Variants in TBC1D1 observed in about 807,000 individuals in gnomAD.
TBC1D1 encodes the protein TBC1 (tre-2/USP6, BUB2, cdc16) domain family, member 1.
TBC1D1 carries 89 observed loss-of-function variants against 125.6 expected under a neutral mutation model. The observed-to-expected ratio is 0.71, with a 90% CI of 0.60 to 0.85. TBC1D1 has a LOEUF of 0.85. Ranked by LOEUF, TBC1D1 falls within the 40% of genes least tolerant of loss-of-function variation. TBC1D1 has a pLI of 0.00. For missense variants in TBC1D1, 1,377 were observed against 1,469.2 expected (o/e 0.94, Z 1.03); for synonymous variants, 565 against 564.1 (o/e 1.00, Z -0.02).
At chr4:38,036,955 A>AT (rs768104676) in intron 8 of TBC1D1, among the ~76,000 whole-genome samples, 2 of 151,696 alleles carry the variant, frequency 1.3e-5, no homozygotes, top group Non-Finnish European at 2.9e-5. Flanking sequence ...TCTGGAGTTC[A>AT]TTTTTCAGCC....
chr4:37,953,788 G>C (rs1399213159), intron 2 of TBC1D1, among the ~76,000 whole-genome samples: 1 of 152,160 alleles, frequency 6.6e-6, no homozygotes, highest in African/African-American at 2.4e-5. Flanking sequence ...GGTTAGCTTG[G>C]TATGTGGCCA....
chr4:38,039,962 T>A (rs558432470), intron 8 of TBC1D1, among the ~76,000 whole-genome samples: 4 of 151,918 alleles, frequency 2.6e-5, no homozygotes, highest in South Asian at 4.2e-4. Flanking sequence ...TTTTTTTTTT[T>A]AAAGAAATTA....
In TBC1D1 at chr4:38,018,420, A is replaced by C. The variant is rs756407084; in HGVS notation, c.949A>C (p.Lys317Gln). ...AAAAATAGCATTGGAGAAAAATTTT[A>C]AGGAGATATCCTTTTGCTCTCAGGT... Residue 317 changes from lysine (K) to glutamine (Q), a missense_variant, in exon 4 of 20, where the codon AAG becomes CAG. By Grantham distance (53) the Lys-to-Gln change is moderately conservative (BLOSUM62 1). This residue lies in a region of TBC1D1 where 822 missense variants were observed against 824.6 expected (regional missense o/e 1.00). Coordinates refer to ENST00000261439, the MANE Select transcript of TBC1D1 (RefSeq NM_015173.4). The C allele has an allele frequency of 4.0e-5, 65 of 1,611,462 alleles. No individual in the cohort carries two copies. Among genetic ancestry groups the C allele is most frequent in the Non-Finnish European group, 5.4e-5 (64 of 1,178,706 alleles).
intron 2 of TBC1D1, among the ~76,000 whole-genome samples, chr4:37,921,434 G>A (rs1028269196): frequency 6.7e-6 from 1 of 149,928 alleles, no homozygotes; most frequent in African/African-American, 2.5e-5. Flanking sequence ...TTGAAATGGA[G>A]TCTCCCTCTG....
chr4:38,032,042 G>C (rs907764633), intron 7 of TBC1D1, among the ~76,000 whole-genome samples: 1 of 152,232 alleles, frequency 6.6e-6, no homozygotes, highest in East Asian at 1.9e-4. Context: ...TTTCTGGCCA[G>C]GCGCGGTGGC....
intron 19 of TBC1D1, 85 bp from the exon 22 acceptor site, chr4:38,137,050 C>T (rs1349152088): frequency 1.9e-6 from 3 of 1,598,536 alleles, no homozygotes; most frequent in African/African-American, 2.7e-5. Context: ...CCAGAGTGCT[C>T]CCAAGGCTGG....
At chr4:37,954,079 G>T (rs193239398) in intron 2 of TBC1D1, among the ~76,000 whole-genome samples, 2 of 152,260 alleles carry the variant, frequency 1.3e-5, no homozygotes, top group Admixed American at 1.3e-4. Context: ...TTCCAGAGTG[G>T]CTGGATCTAA....
At position 38,124,965 on chromosome 4, in the gene TBC1D1, T is replaced by C. The variant is rs763008871; in HGVS notation, c.2966T>C (p.Met989Thr). 1.7e-5 allele frequency: 27 copies of C among 1,613,052 alleles called. No individual in the cohort carries two copies. The highest frequency in any genetic ancestry group is 1.2e-4 in the African/African-American group (9 of 74,736). The change falls in exon 18 of 20, where the codon ATG (methionine) becomes ACG (threonine). Residue 989 changes from methionine to threonine, a missense_variant. Transcript: ENST00000261439. The stretch of plus-strand genomic sequence containing the variant: ...CTGCATTTCTGTGTTTTCTCAGATA[T>C]GATTTTTCTTCAGGGAACAGAGGTC...
chr4:38,070,675 TA>T (rs576957301), intron 12 of TBC1D1, among the ~76,000 whole-genome samples: 52 of 152,108 alleles, frequency 3.4e-4, no homozygotes, highest in African/African-American at 1.2e-3. Flanking sequence ...TTATAGTATG[TA>T]AAAAAAACAT....
chr4:37,895,128 T>C (rs982681699), intron 1 of TBC1D1, among the ~76,000 whole-genome samples: 5 of 152,230 alleles, frequency 3.3e-5, no homozygotes, highest in African/African-American at 1.2e-4. Context: ...CCACTTCTTA[T>C]AGTATGGCCT....
chr4:38,035,511 G>A (rs181014289), intron 7 of TBC1D1, 77 bp from the exon 8 acceptor site: 126 of 1,146,418 alleles, frequency 1.1e-4, no homozygotes, highest in Middle Eastern at 2.7e-4. Flanking sequence ...GATGGAAGCT[G>A]TTAGCATTTA....
At chr4:37,915,035 T>A (rs1719428672) in intron 2 of TBC1D1, among the ~76,000 whole-genome samples, 1 of 152,248 alleles carries the variant, frequency 6.6e-6, no homozygotes, top group African/African-American at 2.4e-5. Flanking sequence ...TGCTTCCATG[T>A]TAACCACCTA....
chr4:37,992,000 A>G (rs936582109), intron 2 of TBC1D1, among the ~76,000 whole-genome samples: 2 of 152,240 alleles, frequency 1.3e-5, no homozygotes, highest in Non-Finnish European at 2.9e-5. Context: ...TACAAACGGA[A>G]CTTACAGAGA....
intron 2 of TBC1D1, among the ~76,000 whole-genome samples, chr4:37,937,212 C>G (rs887273870): frequency 6.6e-6 from 1 of 152,170 alleles, no homozygotes; most frequent in Admixed American, 6.5e-5. Flanking sequence ...GAGTCCCAGA[C>G]AGGAATCCCT....
chr4:37,976,612 G>A (rs1247621949), intron 2 of TBC1D1, among the ~76,000 whole-genome samples: 1 of 152,008 alleles, frequency 6.6e-6, no homozygotes, highest in African/African-American at 2.4e-5. Flanking sequence ...GGTTCCACCT[G>A]ACACATGCAT....
At chr4:38,111,921 G>T in intron 15 of TBC1D1, 1 of 985,456 alleles carries the variant, frequency 1.0e-6, no homozygotes, top group Non-Finnish European at 1.2e-6. Flanking sequence ...CCCCAGCCTG[G>T]TAGTGAACCC....
intron 2 of TBC1D1, among the ~76,000 whole-genome samples, chr4:37,976,127 T>C (rs906148026): frequency 1.3e-5 from 2 of 152,242 alleles, no homozygotes; most frequent in African/African-American, 4.8e-5. Context: ...CTTGGATCAC[T>C]TGTGCTGGGG....
chr4:37,940,762 T>C (rs1006213713), intron 2 of TBC1D1, among the ~76,000 whole-genome samples: 1 of 152,234 alleles, frequency 6.6e-6, no homozygotes, highest in African/African-American at 2.4e-5. Flanking sequence ...AAAGGCTTTT[T>C]CTGCATCTAT....
intron 2 of TBC1D1, among the ~76,000 whole-genome samples, chr4:37,917,942 C>T (rs974307185): frequency 2.0e-5 from 3 of 152,074 alleles, no homozygotes; most frequent in Non-Finnish European, 2.9e-5. Flanking sequence ...AAAAAATAGA[C>T]GAAGCTATTT....
Sources: allele counts gnomAD v4.1 joint callset (sites outside exome capture counted in the v4.1 genomes callset), GRCh38; gene constraint gnomAD v4.1.1; regional missense constraint gnomAD v4.1.1; transcripts MANE v1.5; gene names NCBI Gene and HGNC (gene_info 2026-07-23, HGNC 2026-07-21).